Variants in THSD7A observed in about 807,000 individuals in gnomAD.
The protein encoded by THSD7A is thrombospondin type 1 domain containing 7A.
Under a neutral mutation model 231.3 loss-of-function variants are expected in THSD7A, and 96 were observed. The ratio of observed to expected loss-of-function variants is 0.41; its 90% confidence interval spans 0.35 to 0.49. The LOEUF (loss-of-function observed/expected upper bound fraction) is 0.49, where lower values mean the gene tolerates loss of function less well. THSD7A is among the 20% of genes least tolerant of loss of function. The pLI is 0.05. For synonymous variants in THSD7A, 940 were observed against 743.3 expected, an observed-to-expected ratio of 1.26 and a Z score of -4.30; for missense variants, 2,290 against 2,070.2, an observed-to-expected ratio of 1.11 and a Z score of -2.06.
chr7:11,755,424 A>G (rs1782639549), intron 1 of THSD7A, among the ~76,000 whole-genome samples: 1 of 152,106 alleles, frequency 6.6e-6, no homozygotes, highest in Non-Finnish European at 1.5e-5. Flanking sequence ...GTCCTAGTTA[A>G]AGTCCTCCAT....
rs571638020 is a variant in THSD7A, at chr7:11,568,955, A to G, written c.1453+21505T>C. Among the ~76,000 whole-genome samples, 372 of 150,108 alleles carry G rather than the reference A, an allele frequency of 2.5e-3. 1 individual carries two copies. The highest frequency in any genetic ancestry group is 8.8e-3 in the African/African-American group (358 of 40,836). On this transcript the variant is annotated intron_variant, in intron 4 of 27. Coordinates refer to ENST00000423059, the MANE Select transcript of THSD7A (RefSeq NM_015204.3). ...TCAAAATGTACTTATTGAAAAAGAA[A>G]TCAAGAAAGCAATCCCGTTTACAAT...
intron 1 of THSD7A, among the ~76,000 whole-genome samples, chr7:11,645,047 A>G (rs920797414): frequency 2.0e-5 from 3 of 151,950 alleles, no homozygotes; most frequent in African/African-American, 7.2e-5. Flanking sequence ...ATGTTGCCCA[A>G]CTGATTTTTC....
chr7:11,507,617 T>A (rs1017956853), intron 6 of THSD7A, among the ~76,000 whole-genome samples: 4 of 149,686 alleles, frequency 2.7e-5, no homozygotes, highest in African/African-American at 9.9e-5. Context: ...TTTTTTTTAA[T>A]TTTTAACTGC....
intron 23 of THSD7A, 46 bp from the exon 24 acceptor site, chr7:11,382,662 A>G (rs1285940012): frequency 2.9e-6 from 4 of 1,396,054 alleles, no homozygotes; most frequent in Non-Finnish European, 4.1e-6. Flanking sequence ...TGTTACCCAG[A>G]AGGACAATCA....
rs888702372 is a variant in THSD7A, at chr7:11,674,063, C to T, written c.191-37102G>A. Among the ~76,000 whole-genome samples, 68 of 151,952 alleles carry T rather than the reference C, an allele frequency of 4.5e-4. 1 individual carries two copies. Among genetic ancestry groups the T allele is most frequent in the African/African-American group, 1.6e-3 (67 of 41,482 alleles). ...CGACTCTACAAGCACAAGACACTGG[C>T]AGGTCACTCAGGAGTTGCAGGTTCC... On this transcript the variant is annotated intron_variant, in intron 1 of 27. Transcript: ENST00000423059.
intron 1 of THSD7A, among the ~76,000 whole-genome samples, chr7:11,766,361 A>C (rs1783028754): frequency 6.6e-6 from 1 of 152,172 alleles, no homozygotes; most frequent in African/African-American, 2.4e-5. Context: ...AATACATCTA[A>C]CTAGAATTTT....
chr7:11,538,328 A>T (rs52), intron 6 of THSD7A, among the ~76,000 whole-genome samples: 112,427 of 152,112 alleles, frequency 0.74, 42,931 homozygotes, highest in African/African-American at 0.94. Context: ...ACACATGATA[A>T]GGAAATATAG....
chr7:11,705,239 A>G (rs1780726885), intron 1 of THSD7A, among the ~76,000 whole-genome samples: 1 of 151,082 alleles, frequency 6.6e-6, no homozygotes. Flanking sequence ...AAGCCTCATT[A>G]TAATTGTATT....
chr7:11,785,497 GT>G (rs2128176068), intron 1 of THSD7A, among the ~76,000 whole-genome samples: 1 of 152,140 alleles, frequency 6.6e-6, no homozygotes, highest in African/African-American at 2.4e-5. Context: ...GTAAAGGGAG[GT>G]TTCTCATAAT....
chr7:11,381,155 G>C (rs1782498361), intron 24 of THSD7A, among the ~76,000 whole-genome samples: 1 of 152,064 alleles, frequency 6.6e-6, no homozygotes, highest in Admixed American at 6.6e-5. Flanking sequence ...CATTCAGAAA[G>C]CCTGTCTATC....
chr7:11,667,204 C>T (rs1224257234), intron 1 of THSD7A, among the ~76,000 whole-genome samples: 1 of 152,016 alleles, frequency 6.6e-6, no homozygotes, highest in Non-Finnish European at 1.5e-5. Context: ...GCCCTCACCC[C>T]TCACCCAAGC....
At chr7:11,719,879 A>G (rs571458568) in intron 1 of THSD7A, among the ~76,000 whole-genome samples, 2 of 151,868 alleles carry the variant, frequency 1.3e-5, no homozygotes, top group East Asian at 3.9e-4. Context: ...TAGTTGCTCA[A>G]TAAATATTTA....
chr7:11,464,162 CT>C (rs111595345), intron 9 of THSD7A, among the ~76,000 whole-genome samples: 87 of 149,454 alleles, frequency 5.8e-4, no homozygotes, highest in African/African-American at 1.9e-3. Context: ...TGTCCATAAT[CT>C]TTTTTTTTTA....
At chr7:11,706,465 A>C (rs1012088032) in intron 1 of THSD7A, among the ~76,000 whole-genome samples, 27 of 150,790 alleles carry the variant, frequency 1.8e-4, no homozygotes, top group African/African-American at 4.8e-4. Context: ...ATGGTTTGGC[A>C]GCTACACAAT....
chr7:11,645,809 A>T (rs1434566867), intron 1 of THSD7A, among the ~76,000 whole-genome samples: 1 of 151,898 alleles, frequency 6.6e-6, no homozygotes, highest in East Asian at 1.9e-4. Flanking sequence ...AAACAAGATT[A>T]ATTTTGTTAC....
At chr7:11,534,510 G>A (rs13236060) in intron 6 of THSD7A, among the ~76,000 whole-genome samples, 39,940 of 152,070 alleles carry the variant, frequency 0.26, 6,537 homozygotes, top group Non-Finnish European at 0.37. Flanking sequence ...GATATGTGAG[G>A]GAGGACACTT....
At position 11,375,679 on chromosome 7, in the gene THSD7A, T is replaced by G. The variant is rs945536621; in HGVS notation, c.*115A>C. On this transcript the variant is annotated 3_prime_UTR_variant, in exon 28 of 28. Coordinates refer to ENST00000423059, the MANE Select transcript of THSD7A (RefSeq NM_015204.3). ...TTTCACTCTTGTCTTTATGATGCCA[T>G]TTTTAAAAATTAAAATATATTTTAA... is the stretch of plus-strand genomic sequence containing the variant. 3.5e-6 allele frequency: 3 copies of G among 853,002 alleles called. No homozygotes were observed. Among genetic ancestry groups the G allele is most frequent in the African/African-American group, 1.7e-5 (1 of 57,704 alleles). The allele number at this position is 853,002 out of a possible 1,614,324, so 52.8% of individuals were successfully genotyped here.
chr7:11,447,698 A>G (rs1475582177), intron 11 of THSD7A, among the ~76,000 whole-genome samples: 1 of 152,168 alleles, frequency 6.6e-6, no homozygotes, highest in Non-Finnish European at 1.5e-5. Context: ...ATATGTATTC[A>G]GGGTTTCAAT....
At chr7:11,751,756 T>TAA (rs796807730) in intron 1 of THSD7A, among the ~76,000 whole-genome samples, 1 of 147,254 alleles carries the variant, frequency 6.8e-6, no homozygotes, top group Non-Finnish European at 1.5e-5. Context: ...TTGCACCGTT[T>TAA]AAAAAAAAAA....
Sources: gnomAD v4.1 joint callset for allele counts (sites outside exome capture counted in the v4.1 genomes callset) on GRCh38, gnomAD v4.1.1 for gene constraint, MANE v1.5 for transcripts, NCBI Gene and HGNC (gene_info 2026-07-23, HGNC 2026-07-21) for gene names.